The following COL16A1 variants were observed in gnomAD, a reference collection of about 807,000 sequenced individuals.
COL16A1 encodes collagen alpha-1(XVI) chain.
A neutral mutation model predicts 266.3 loss-of-function variants in COL16A1; 189 were observed. The ratio of observed to expected loss-of-function variants is 0.71; its 90% CI spans 0.63 to 0.80. The LOEUF (loss-of-function observed/expected upper bound fraction) is 0.80. Ranked by LOEUF, COL16A1 falls within the 30% of genes least tolerant of loss-of-function variation. The pLI is 0.00. For missense variants in COL16A1, 1,928 were observed against 2,122.4 expected (o/e 0.91, Z 1.80); for synonymous variants, 740 against 782.3 (o/e 0.95, Z 0.90).
At position 31,663,830 on chromosome 1, in the gene COL16A1, A is replaced by G. The variant is rs1016428356; in HGVS notation, c.3556-1172T>C. 6.6e-6 allele frequency among the ~76,000 whole-genome samples: 1 copy of G among 152,124 alleles called. No individual in the cohort carries two copies. Among genetic ancestry groups the G allele is most frequent in the Non-Finnish European group, 1.5e-5 (1 of 68,032 alleles). ...TGATGAGAACTGATGCATGGATTGG[A>G]ATGTTTACCAGAAAAGGCGGGGGGA... On this transcript the variant is annotated intron_variant, in intron 56 of 70. Transcript: ENST00000373672. The surrounding 1 kb of genome is among the most constrained non-coding windows in gnomAD (Gnocchi z 4.9).
intron 42 of COL16A1, among the ~76,000 whole-genome samples, chr1:31,675,757 C>T (rs890810208): frequency 2.6e-5 from 4 of 152,008 alleles, no homozygotes; most frequent in African/African-American, 9.7e-5. Context: ...TCAAACTCAG[C>T]TCAAGCGATT....
Position 31,689,844 on chromosome 1 carries a change from G to C in COL16A1, c.1517C>G (p.Pro506Arg), listed in dbSNP as rs145513489. ...KPGVKGEKGD[P>R]CEVCPTLPEG... Reference sequence around the variant, plus strand: ...AGGCAGTGTTGGGCACACTTCACAGGGGTCACCCTAGCAGAAGGGAGAGGC... The same window carrying C: ...AGGCAGTGTTGGGCACACTTCACAGCGGTCACCCTAGCAGAAGGGAGAGGC... The change falls in exon 23 of 71, where the codon CCC (proline) becomes CGC (arginine). Residue 506 changes from proline to arginine, a missense_variant. Around this residue, in one of 2 missense-constraint regions of COL16A1, gnomAD observed 1,552 missense variants for 1,637.2 expected, o/e 0.95. Transcript: ENST00000373672. 4.3e-6 allele frequency: 7 copies of C among 1,613,912 alleles called. No homozygotes were observed. The highest frequency in any genetic ancestry group is 2.7e-5 in the African/African-American group (2 of 75,024).
At position 31,682,944 on chromosome 1, in the gene COL16A1, G is replaced by C. The variant is rs770736773; in HGVS notation, c.2528C>G (p.Ser843Cys). The change falls in exon 37 of 71, where the codon TCT becomes TGT. Residue 843 changes from serine to cysteine, a missense_variant. Physicochemically the swap from Ser to Cys is moderately radical, Grantham distance 112. Transcript: ENST00000373672. ...GPVGPPGASV[S>C]GPPGRDGQQG... is the part of the protein sequence containing the mutation. ...ACAGAGAAGACTTACCGGAGGCCCA[G>C]AGACACTGGCCCCAGGAGGTCCCAC... 2.3e-5 allele frequency: 37 copies of C among 1,613,940 alleles called. No homozygotes were observed. Among genetic ancestry groups the C allele is most frequent in the Middle Eastern group, 3.3e-4 (2 of 6,084 alleles).
rs936788449 is a variant in COL16A1, at chr1:31,679,922, C to G, written c.2671-71G>C. On this transcript the variant is annotated intron_variant, in intron 40 of 70. Transcript: ENST00000373672. ...AACGTCTACACCAAGCGCGGGGCTG[C>G]GTGGGGAGGCGGCTGGCTGGGGTGC... 6 of 1,539,400 alleles carry G rather than the reference C, an allele frequency of 3.9e-6. No individual in the cohort carries two copies. In the South Asian group the frequency reaches 7.3e-5, roughly 19 times the overall value.
At chr1:31,683,822 C>G in intron 33 of COL16A1, 74 bp from the exon 34 acceptor site, 1 of 1,610,498 alleles carries the variant, frequency 6.2e-7, no homozygotes, top group African/African-American at 1.3e-5. Flanking sequence ...AGCCCCTTCT[C>G]CTCCAGCTTC....
Position 31,688,393 on chromosome 1 carries a change from C to T in COL16A1, c.1803+74G>A. 6.5e-7 allele frequency: 1 copy of T among 1,530,454 alleles called. No homozygotes were observed. Among genetic ancestry groups the T allele is most frequent in the East Asian group, 2.2e-5 (1 of 44,456 alleles). The allele number at this position is 1,530,454 out of a possible 1,614,324, so 94.8% of individuals were successfully genotyped here. A position where few individuals can be genotyped will look rare whatever the true frequency, so the allele number is the denominator to read the frequency against. The stretch of plus-strand genomic sequence containing the variant: ...TCTCTTGTTTATATTACCCTTATTC[C>T]CCGCCCGCACCACTCCTCCCCTGCC... On this transcript the variant is annotated intron_variant, in intron 26 of 70. Transcript: ENST00000373672. The surrounding 1 kb of genome is among the most constrained non-coding windows in gnomAD (Gnocchi z 4.9).
intron 55 of COL16A1, 48 bp downstream of exon 55, chr1:31,665,535 C>G (rs77494820): frequency 6.2e-7 from 1 of 1,613,864 alleles, no homozygotes; most frequent in Non-Finnish European, 8.5e-7. Flanking sequence ...CTGCCCCTCC[C>G]GATGAGACCA....
chr1:31,703,973 A>AGCTCTC lies in COL16A1; in HGVS notation c.-177_-172dup, dbSNP rs1644810763. On this transcript the variant is annotated 5_prime_UTR_variant, in exon 1 of 71. Transcript: ENST00000373672. ...CGGGTCCCCAGCTTCCTGGCGCTCG[A>AGCTCTC]GCTCTCCCGGCTGTCTGCTGCCCGG... The AGCTCTC allele has an allele frequency of 6.6e-6, 1 of 152,240 alleles. No homozygotes were observed. 9.4% of individuals were successfully genotyped at this position (152,240 alleles called of 1,614,324 possible). A position where few individuals can be genotyped will look rare whatever the true frequency, so the allele number is the denominator to read the frequency against.
Position 31,685,579 on chromosome 1 carries a change from C to T in COL16A1, c.2016+60G>A. 6.4e-7 allele frequency: 1 copy of T among 1,572,380 alleles called. No individual in the cohort carries two copies. On this transcript the variant is annotated intron_variant, in intron 29 of 70. Coordinates refer to ENST00000373672, the MANE Select transcript of COL16A1 (RefSeq NM_001856.4). This position sits in a 1 kb window ranked among gnomAD's most constrained non-coding sequence, Gnocchi z 4.0. ...CAAGAGACCCAGGCAGGACCCCTCC[C>T]CTCTCCTTAGCCCCGCCTGCATCCC...
chr1:31,689,013 G>A lies in COL16A1; in HGVS notation c.1656+37C>T, dbSNP rs766131079. On this transcript the variant is annotated intron_variant, in intron 24 of 70. Coordinates refer to ENST00000373672, the MANE Select transcript of COL16A1 (RefSeq NM_001856.4). ...AAGGATCAGAAATGCTTCCAGGTAG[G>A]CAGAGGAGGGCAGCCAGGAGAGCAG... 1.9e-6 allele frequency: 3 copies of A among 1,614,008 alleles called. No individual in the cohort carries two copies. In the Admixed American group the frequency reaches 5.0e-5, roughly 27 times the overall value.
At chr1:31,695,977 G>T (rs1644480985) in intron 9 of COL16A1, 111 bp downstream of exon 9, 2 of 1,094,646 alleles carry the variant, frequency 1.8e-6, no homozygotes, top group Non-Finnish European at 2.8e-6. Context: ...TGTCCAGGAG[G>T]TGGGAAAGGC....
chr1:31,695,066 C>T (rs1300643065), intron 11 of COL16A1, 120 bp downstream of exon 11: 16 of 986,634 alleles, frequency 1.6e-5, no homozygotes, highest in South Asian at 2.8e-5. Context: ...GGGCAGGGAG[C>T]GAGTGTGAAA....
In COL16A1 at chr1:31,681,053, C is replaced by T. The variant is rs372876558; in HGVS notation, c.2553G>A (p.Gln851=). Residue 851 remains glutamine (Q), a synonymous_variant, in exon 38 of 71, where the codon CAG becomes CAA. Coordinates refer to ENST00000373672, the MANE Select transcript of COL16A1 (RefSeq NM_001856.4). The part of the protein sequence containing the change: ...SVSGPPGRDG[Q]QGQTGLRGTP... The stretch of plus-strand genomic sequence containing the variant: ...TTCCTCTGAGTCCCGTCTGTCCTTG[C>T]TGCCCATCACGGCCCTGAAGAGAGA... 6.2e-7 allele frequency: 1 copy of T among 1,612,994 alleles called. No homozygotes were observed. Among genetic ancestry groups the T allele is most frequent in the African/African-American group, 1.3e-5 (1 of 74,932 alleles).
chr1:31,662,807 A>G (rs1455266690), intron 56 of COL16A1, 149 bp from the exon 57 acceptor site: 1 of 733,894 alleles, frequency 1.4e-6, no homozygotes, highest in Non-Finnish European at 2.2e-6. Context: ...TCCCTGTCTA[A>G]CTGCATATGT....
In COL16A1 at chr1:31,657,780, G is replaced by T. The variant is rs1486771735; in HGVS notation, c.4020+708C>A. Among the ~76,000 whole-genome samples the T allele has an allele frequency of 6.6e-6, 1 of 152,226 alleles. No homozygotes were observed. The highest frequency in any genetic ancestry group is 2.4e-5 in the African/African-American group (1 of 41,446). On this transcript the variant is annotated intron_variant, in intron 64 of 70. Coordinates refer to ENST00000373672, the MANE Select transcript of COL16A1 (RefSeq NM_001856.4). The surrounding 1 kb of genome is among the most constrained non-coding windows in gnomAD (Gnocchi z 6.4). ...TTTTCATCCCTGACCCTGGCAATCA[G>T]TTGCACCTGTTAGGGTTCACCTGTC...
chr1:31,668,026 G>T lies in COL16A1; in HGVS notation c.3303+139C>A, dbSNP rs1321929264. 4.3e-6 allele frequency: 3 copies of T among 705,302 alleles called. No individual in the cohort carries two copies. The Admixed American group carries it at 7.9e-5, about 19-fold the overall frequency. The allele number at this position is 705,302 out of a possible 1,614,324, so 43.7% of individuals were successfully genotyped here. ...TACAGTGGGGAGAGGGGGCTGCATG[G>T]ACTTTAGGCAAAGGAGGAGGCTGAA... is the stretch of plus-strand genomic sequence containing the variant. On this transcript the variant is annotated intron_variant, in intron 51 of 70. Transcript: ENST00000373672. This position sits in a 1 kb window ranked among gnomAD's most constrained non-coding sequence, Gnocchi z 5.8.
chr1:31,701,998 C>A lies in COL16A1; in HGVS notation c.73+123G>T. ...ACCTCAGATCACCCTGAGCCCAGCCCCTAGACTCTGCTATAACTGCCCACA... is the reference window on the plus strand; with the variant it reads ...ACCTCAGATCACCCTGAGCCCAGCCACTAGACTCTGCTATAACTGCCCACA... On this transcript the variant is annotated intron_variant, in intron 2 of 70. Transcript: ENST00000373672. 5 of 1,487,184 alleles carry A rather than the reference C, an allele frequency of 3.4e-6. No individual in the cohort carries two copies. In the South Asian group the frequency reaches 5.9e-5, roughly 18 times the overall value. The allele number at this position is 1,487,184 out of a possible 1,614,324, so 92.1% of individuals were successfully genotyped here. A position where few individuals can be genotyped will look rare whatever the true frequency, so the allele number is the denominator to read the frequency against.
chr1:31,679,985 G>A lies in COL16A1; in HGVS notation c.2670+57C>T, dbSNP rs1235388688. On this transcript the variant is annotated intron_variant, in intron 40 of 70. Coordinates refer to ENST00000373672, the MANE Select transcript of COL16A1 (RefSeq NM_001856.4). ...GGCCTTTGCACACTGGGCACCAGACGAGGCTGAAGCTGGTCCTCTCCCCCA... is the reference window on the plus strand; with the variant it reads ...GGCCTTTGCACACTGGGCACCAGACAAGGCTGAAGCTGGTCCTCTCCCCCA... The A allele has an allele frequency of 2.6e-5, 41 of 1,604,512 alleles. No individual in the cohort carries two copies. In the East Asian group the frequency reaches 4.5e-4, roughly 18 times the overall value.
In COL16A1 at chr1:31,655,422, A is replaced by T. The variant is rs1324035483; in HGVS notation, c.4182T>A (p.Ser1394Arg). The T allele has an allele frequency of 6.2e-7, 1 of 1,613,144 alleles. No individual in the cohort carries two copies. Among genetic ancestry groups the T allele is most frequent in the South Asian group, 1.1e-5 (1 of 91,006 alleles). The change falls in exon 67 of 71, where the codon AGT becomes AGA. Residue 1394 changes from serine to arginine, a missense_variant. Ser to Arg is a moderately radical substitution (Grantham distance 110, BLOSUM62 -1). Around this residue, in one of 2 missense-constraint regions of COL16A1, gnomAD observed 376 missense variants for 485.2 expected, o/e 0.77. Transcript: ENST00000373672. ...GTGGCCCAACAGGCCCCATGGAACCACTCTTGCCAGGTCCACCAGGCATGC... is the reference window on the plus strand; with the variant it reads ...GTGGCCCAACAGGCCCCATGGAACCTCTCTTGCCAGGTCCACCAGGCATGC... ...RAGMPGGPGKSGSMGPVGPPG... is the reference protein window; with the variant it reads ...RAGMPGGPGKRGSMGPVGPPG...
Sources: allele counts gnomAD v4.1 joint callset (sites outside exome capture counted in the v4.1 genomes callset), GRCh38; gene constraint gnomAD v4.1.1; regional missense constraint gnomAD v4.1.1; non-coding constraint Gnocchi (gnomAD v3.1); transcripts MANE v1.5; gene names NCBI Gene and HGNC (gene_info 2026-07-23, HGNC 2026-07-21).